The following ARMC2 variants were observed in gnomAD, a reference collection of about 807,000 sequenced individuals.
The protein encoded by ARMC2 is armadillo repeat-containing protein 2.
A neutral mutation model predicts 90.3 loss-of-function variants in ARMC2; 67 were observed. That is an observed-to-expected ratio of 0.74 (90% CI 0.61 to 0.91). The LOEUF (loss-of-function observed/expected upper bound fraction) is 0.91, where lower values mean the gene tolerates loss of function less well. ARMC2 is among the 40% of genes least tolerant of loss of function. The pLI is 0.00. For missense variants in ARMC2, 920 were observed against 1,030.9 expected (o/e 0.89, Z 1.47); for synonymous variants, 393 against 393.0 (o/e 1.00, Z 0.00).
intron 12 of ARMC2, among the ~76,000 whole-genome samples, chr6:108,942,054 A>G (rs1383240581): frequency 6.6e-6 from 1 of 152,168 alleles, no homozygotes; most frequent in Admixed American, 6.5e-5. Flanking sequence ...GTCTTCATAA[A>G]CATTTCTTTA....
intron 10 of ARMC2, among the ~76,000 whole-genome samples, chr6:108,912,982 G>A (rs1282787417): frequency 6.6e-6 from 1 of 152,178 alleles, no homozygotes; most frequent in East Asian, 1.9e-4. Context: ...GGGATTGAGT[G>A]GACAGTCACT....
chr6:108,918,180 C>T (rs1774172389), intron 10 of ARMC2, among the ~76,000 whole-genome samples: 1 of 152,004 alleles, frequency 6.6e-6, no homozygotes, highest in Non-Finnish European at 1.5e-5. Flanking sequence ...GGACTGATGA[C>T]AGATTCTGTG....
intron 13 of ARMC2, among the ~76,000 whole-genome samples, chr6:108,960,687 G>C (rs1325357244): frequency 2.0e-5 from 3 of 152,244 alleles, no homozygotes; most frequent in Admixed American, 2.0e-4. Flanking sequence ...AAATAGGGAG[G>C]TTACGGAAAG....
intron 12 of ARMC2, among the ~76,000 whole-genome samples, chr6:108,951,446 G>A (rs945232645): frequency 1.3e-5 from 2 of 152,210 alleles, no homozygotes; most frequent in African/African-American, 2.4e-5. Context: ...AAATGTCTCC[G>A]AAAATGAACT....
At chr6:108,977,976 G>GT (rs1417736178), downstream of ARMC2, among the ~76,000 whole-genome samples, 4 of 152,164 alleles carry the variant, frequency 2.6e-5, no homozygotes, top group South Asian at 2.1e-4. Context: ...TCTTTTGAAG[G>GT]TTTTTTTATG....
At chr6:109,049,656 TGTCA>T in the ARMC2 span, among the ~76,000 whole-genome samples, 1 of 151,360 alleles carries the variant, frequency 6.6e-6, no homozygotes, top group South Asian at 2.1e-4. Context: ...AATTATTATG[TGTCA>T]GTTAAAAAAT....
intron 3 of ARMC2, 139 bp downstream of exon 3, chr6:108,858,410 CAG>C (rs1324756490): frequency 3.7e-5 from 18 of 491,338 alleles, no homozygotes; most frequent in Non-Finnish European, 5.9e-5. Context: ...AATATGAAAA[CAG>C]ATTCTTTTAT....
chr6:109,000,753 A>G, the ARMC2 span: 15 of 1,146,284 alleles, frequency 1.3e-5, no homozygotes, highest in Non-Finnish European at 1.4e-5. Flanking sequence ...CATGCAAAAG[A>G]GCTAATTAAG....
chr6:108,927,037 T>C lies in ARMC2; in HGVS notation c.1351-1051T>C, dbSNP rs146087767. On this transcript the variant is annotated intron_variant, in intron 10 of 17. Transcript: ENST00000392644. ...TAATCATGTCATCTTAAAAATTGTT[T>C]TTAAAAGTTTATATACTATGGCTGT... is the stretch of plus-strand genomic sequence containing the variant. Among the ~76,000 whole-genome samples the C allele has an allele frequency of 9.7e-3, 1,475 of 152,294 alleles. 17 individuals carry two copies. The highest frequency in any genetic ancestry group is 0.031 in the African/African-American group (1,299 of 41,542).
chr6:109,009,059 A>G, the ARMC2 span: 15 of 935,764 alleles, frequency 1.6e-5, no homozygotes, highest in African/African-American at 1.7e-4. Flanking sequence ...TTATTTACGT[A>G]TTGGAGACTT....
chr6:108,857,639 T>C (rs1020224992), intron 2 of ARMC2, among the ~76,000 whole-genome samples: 3 of 152,210 alleles, frequency 2.0e-5, no homozygotes, highest in African/African-American at 7.2e-5. Flanking sequence ...GTAGGTTTCT[T>C]GTAGATATTC....
chr6:108,915,541 G>T (rs533487074), intron 10 of ARMC2, among the ~76,000 whole-genome samples: 2 of 152,138 alleles, frequency 1.3e-5, no homozygotes, highest in Admixed American at 1.3e-4. Context: ...AAGCAGCTCC[G>T]TTGGGCTCAT....
chr6:108,873,259 T>C (rs1474165367), intron 4 of ARMC2, among the ~76,000 whole-genome samples: 2 of 152,046 alleles, frequency 1.3e-5, no homozygotes, highest in Non-Finnish European at 2.9e-5. Context: ...CATTTAAAAA[T>C]ACAAAAACCG....
intron 8 of ARMC2, among the ~76,000 whole-genome samples, chr6:108,908,242 G>A (rs1055659548): frequency 1.3e-5 from 2 of 152,298 alleles, no homozygotes; most frequent in Middle Eastern, 3.4e-3. Flanking sequence ...AAGTGTGAAC[G>A]ACAACACCAA....
In ARMC2 at chr6:108,894,354, G is replaced by C. The variant is rs954589837; in HGVS notation, c.672-113G>C. ...ACTGTTCTCTAGCCTGGATGACAGA[G>C]TGAGACCTATCTCAAAATAATAAAT... is the stretch of plus-strand genomic sequence containing the variant. On this transcript the variant is annotated intron_variant, in intron 5 of 17. Transcript: ENST00000392644. 4 of 883,028 alleles carry C rather than the reference G, an allele frequency of 4.5e-6. No individual in the cohort carries two copies. The Admixed American group carries it at 1.3e-4, about 28-fold the overall frequency. The allele number at this position is 883,028 out of a possible 1,614,324, so 54.7% of individuals were successfully genotyped here. A position where few individuals can be genotyped will look rare whatever the true frequency, so the allele number is the denominator to read the frequency against.
At chr6:108,957,222 G>T (rs58161620) in intron 13 of ARMC2, among the ~76,000 whole-genome samples, 16,439 of 152,238 alleles carry the variant, frequency 0.11, 1,017 homozygotes, top group South Asian at 0.23. Context: ...AATAAAAGTT[G>T]ATAGAAGGGC....
chr6:108,912,636 A>G (rs1266476017), intron 10 of ARMC2, 78 bp downstream of exon 10: 3 of 1,327,824 alleles, frequency 2.3e-6, no homozygotes, highest in African/African-American at 1.5e-5. Flanking sequence ...AAAGAATGGC[A>G]TGCAAGAGGC....
chr6:108,912,800 A>C (rs749987081), intron 10 of ARMC2, among the ~76,000 whole-genome samples: 7 of 152,232 alleles, frequency 4.6e-5, no homozygotes, highest in Non-Finnish European at 1.0e-4. Context: ...ACTGCCCTGC[A>C]GAGAAAGCAG....
intron 11 of ARMC2, among the ~76,000 whole-genome samples, chr6:108,933,054 A>G (rs1775702388): frequency 6.6e-6 from 1 of 150,476 alleles, no homozygotes; most frequent in African/African-American, 2.5e-5. Context: ...GCTCATTTTC[A>G]GTTCCGTGTT....
Sources: allele counts gnomAD v4.1 joint callset (sites outside exome capture counted in the v4.1 genomes callset), GRCh38; gene constraint gnomAD v4.1.1; transcripts MANE v1.5; gene names NCBI Gene and HGNC (gene_info 2026-07-23, HGNC 2026-07-21).